Variants in KPNA1 observed in about 807,000 individuals in gnomAD.
The protein encoded by KPNA1 is importin subunit alpha-5.
KPNA1 carries 10 observed loss-of-function variants against 70.5 expected under a neutral mutation model. The observed-to-expected ratio is 0.14, with a 90% CI of 0.09 to 0.24. The LOEUF (loss-of-function observed/expected upper bound fraction) is 0.24, where lower values mean the gene tolerates loss of function less well. Among genes scored for constraint, KPNA1 ranks in the 10% least tolerant of loss-of-function variants. The pLI is 1.00. For missense variants in KPNA1, 397 were observed against 637.9 expected (o/e 0.62, Z 4.07); for synonymous variants, 192 against 221.9 (o/e 0.87, Z 1.20).
rs998114325 is a variant in KPNA1 at position 122,425,525 on chromosome 3, C to T, written c.*1460G>A. On this transcript the variant is annotated 3_prime_UTR_variant, in exon 14 of 14. Coordinates refer to ENST00000344337, the MANE Select transcript of KPNA1 (RefSeq NM_002264.4). ...CTGGTAGTGTATCCCAACATTGAGT[C>T]AAGATGGCCAACTAGCACCGAGAAG... 33 of 152,542 alleles carry T rather than the reference C, an allele frequency of 2.2e-4. No individual in the cohort carries two copies. Among genetic ancestry groups the T allele is most frequent in the Non-Finnish European group, 2.9e-5 (2 of 68,036 alleles). The allele number at this position is 152,542 out of a possible 1,614,324, so 9.4% of individuals were successfully genotyped here. A position where few individuals can be genotyped will look rare whatever the true frequency, so the allele number is the denominator to read the frequency against.
chr3:122,475,647 C>T (rs188903847), intron 2 of KPNA1, among the ~76,000 whole-genome samples: 22 of 152,246 alleles, frequency 1.4e-4, no homozygotes, highest in East Asian at 1.2e-3. Context: ...CAATCCCCTA[C>T]GCAGTCAAAA....
intron 1 of KPNA1, among the ~76,000 whole-genome samples, chr3:122,499,604 A>G (rs1024144713): frequency 6.6e-6 from 1 of 152,140 alleles, no homozygotes; most frequent in African/African-American, 2.4e-5. Flanking sequence ...AATTTAAAAA[A>G]TAAAAATCAG....
chr3:122,470,308 T>A (rs1387397243), intron 2 of KPNA1, among the ~76,000 whole-genome samples: 1 of 151,956 alleles, frequency 6.6e-6, no homozygotes, highest in East Asian at 1.9e-4. Context: ...GTCAGGAGAT[T>A]GAGACTATCT....
chr3:122,448,830 G>A (rs1449476945), intron 9 of KPNA1, among the ~76,000 whole-genome samples: 1 of 151,806 alleles, frequency 6.6e-6, no homozygotes, highest in East Asian at 1.9e-4. Flanking sequence ...CCCAGATTTT[G>A]AATGATGTAC....
At chr3:122,477,999 TAA>T (rs1000621835) in intron 2 of KPNA1, among the ~76,000 whole-genome samples, 3 of 150,010 alleles carry the variant, frequency 2.0e-5, no homozygotes, top group Non-Finnish European at 4.4e-5. Context: ...CCGTCTCTAA[TAA>T]AAATACAAAA....
chr3:122,489,791 A>G (rs917402728), intron 2 of KPNA1, among the ~76,000 whole-genome samples: 1 of 152,110 alleles, frequency 6.6e-6, no homozygotes, highest in Non-Finnish European at 1.5e-5. Context: ...CGTGTACTGG[A>G]TATTTTCGTA....
chr3:122,456,106 T>C (rs565289617), intron 5 of KPNA1, among the ~76,000 whole-genome samples: 8 of 152,352 alleles, frequency 5.3e-5, no homozygotes, highest in Admixed American at 4.6e-4. Flanking sequence ...AAATATTTCA[T>C]TTGCTTGTAG....
At chr3:122,483,201 C>G (rs1362285123) in intron 2 of KPNA1, 1 of 152,424 alleles carries the variant, frequency 6.6e-6, no homozygotes, top group Non-Finnish European at 1.5e-5. Context: ...TACCTACCTA[C>G]AGAAAACAGA....
intron 9 of KPNA1, among the ~76,000 whole-genome samples, chr3:122,444,633 C>T (rs1233169251): frequency 1.3e-5 from 2 of 152,122 alleles, no homozygotes; most frequent in South Asian, 2.1e-4. Flanking sequence ...AAGTAGGGGC[C>T]GAGAGACACC....
At chr3:122,501,597 A>G (rs528797838) in intron 1 of KPNA1, among the ~76,000 whole-genome samples, 2 of 152,274 alleles carry the variant, frequency 1.3e-5, no homozygotes, top group South Asian at 4.2e-4. Context: ...AAATTTATCT[A>G]GCTTGTTTTG....
At chr3:122,508,376 T>C (rs2076914901) in intron 1 of KPNA1, among the ~76,000 whole-genome samples, 2 of 152,048 alleles carry the variant, frequency 1.3e-5, no homozygotes, top group Admixed American at 1.3e-4. Context: ...CTCCTTAAGG[T>C]AGTGAGGAGT....
intron 10 of KPNA1, among the ~76,000 whole-genome samples, chr3:122,438,253 T>C (rs1384986265): frequency 6.6e-6 from 1 of 152,166 alleles, no homozygotes; most frequent in Non-Finnish European, 1.5e-5. Flanking sequence ...CTCTTCACCT[T>C]CCACCATAAC....
At chr3:122,480,112 G>A (rs915752002) in intron 2 of KPNA1, among the ~76,000 whole-genome samples, 3 of 152,176 alleles carry the variant, frequency 2.0e-5, no homozygotes, top group African/African-American at 7.2e-5. Context: ...TTCTGGAAAA[G>A]GCAAAACTAT....
At chr3:122,507,953 T>C (rs868099331) in intron 1 of KPNA1, among the ~76,000 whole-genome samples, 6 of 144,326 alleles carry the variant, frequency 4.2e-5, no homozygotes, top group African/African-American at 1.2e-4. Context: ...TTAGCACATA[T>C]AGACTGCACT....
chr3:122,460,658 A>G (rs2076314528), intron 5 of KPNA1: 2 of 810,096 alleles, frequency 2.5e-6, no homozygotes, highest in Non-Finnish European at 3.0e-6. Context: ...GAAAAAAAAA[A>G]AAAAGAAAAT....
At chr3:122,463,304 C>T (rs926319256) in intron 4 of KPNA1, among the ~76,000 whole-genome samples, 1 of 150,370 alleles carries the variant, frequency 6.7e-6, no homozygotes, top group Admixed American at 6.6e-5. Context: ...GCCGAGATAG[C>T]GCCACTGTAC....
At chr3:122,476,861 C>CAAAAAAAAAAAAAAAAAAAAAAAAA (rs144118691) in intron 2 of KPNA1, among the ~76,000 whole-genome samples, 10 of 65,500 alleles carry the variant, frequency 1.5e-4, no homozygotes, top group Admixed American at 2.0e-4. Context: ...GGAGGTTCCA[C>CAAAAAAAAAAAAAAAAAAAAAAAAA]AAAAAAAAAA....
intron 4 of KPNA1, among the ~76,000 whole-genome samples, chr3:122,462,871 T>C (rs907880435): frequency 6.6e-5 from 10 of 152,208 alleles, no homozygotes; most frequent in Non-Finnish European, 1.2e-4. Flanking sequence ...AGAATTCTTT[T>C]TACTTGCCCA....
Position 122,467,361 on chromosome 3 carries a change from G to C in KPNA1, c.198C>G (p.Gly66=), listed in dbSNP as rs761486949. The change falls in exon 3 of 14, where the codon GGC becomes GGG. Residue 66 remains glycine (G), a synonymous_variant. Coordinates refer to ENST00000344337, the MANE Select transcript of KPNA1 (RefSeq NM_002264.4). ...ETEEEVMSDG[G]FHEAQISNME... Reference sequence around the variant, plus strand: ...TGTTACTAATCTGAGCCTCATGAAAGCCTCCATCTGACATAACTTCTTCTT... The same window carrying C: ...TGTTACTAATCTGAGCCTCATGAAACCCTCCATCTGACATAACTTCTTCTT... The C allele has an allele frequency of 6.2e-7, 1 of 1,608,136 alleles. No homozygotes were observed. Among genetic ancestry groups the C allele is most frequent in the Admixed American group, 1.7e-5 (1 of 59,712 alleles).
Sources: gnomAD v4.1 joint callset for allele counts (sites outside exome capture counted in the v4.1 genomes callset) on GRCh38, gnomAD v4.1.1 for gene constraint, MANE v1.5 for transcripts, NCBI Gene and HGNC (gene_info 2026-07-23, HGNC 2026-07-21) for gene names.